The following GPC5 variants were observed in gnomAD, a reference collection of about 807,000 sequenced individuals.
The protein encoded by GPC5 is glypican-5.
GPC5 carries 47 observed loss-of-function variants against 53.9 expected under a neutral mutation model. The observed-to-expected ratio is 0.87, with a 90% CI of 0.69 to 1.11. GPC5 has a LOEUF of 1.11. Ranked by LOEUF, GPC5 falls within the 50% of genes most tolerant of loss-of-function variation. The probability of loss-of-function intolerance (pLI) is 0.00; values close to 1 mark genes in which losing one functional copy is unlikely to be tolerated. For synonymous variants in GPC5, 286 were observed against 263.3 expected, an observed-to-expected ratio of 1.09 and a Z score of -0.84; for missense variants, 748 against 713.1, an observed-to-expected ratio of 1.05 and a Z score of -0.56.
chr13:91,512,855 G>A (rs1004348708), intron 2 of GPC5, among the ~76,000 whole-genome samples: 1 of 152,148 alleles, frequency 6.6e-6, no homozygotes, highest in African/African-American at 2.4e-5. Context: ...TAAGTTCTGT[G>A]ATGTGTGTTT....
intron 5 of GPC5, among the ~76,000 whole-genome samples, chr13:91,850,247 A>G (rs1234086232): frequency 2.6e-5 from 4 of 152,174 alleles, no homozygotes; most frequent in Admixed American, 2.6e-4. Context: ...CCATCACTAT[A>G]TCTCTGACAT....
chr13:91,604,719 T>C (rs558227601), intron 2 of GPC5, among the ~76,000 whole-genome samples: 20 of 115,332 alleles, frequency 1.7e-4, no homozygotes, highest in African/African-American at 7.3e-4. Flanking sequence ...ATGAGCATTT[T>C]TTCATGTGTT....
intron 5 of GPC5, among the ~76,000 whole-genome samples, chr13:91,811,880 G>A (rs2038317240): frequency 6.6e-6 from 1 of 152,294 alleles, no homozygotes; most frequent in African/African-American, 2.4e-5. Flanking sequence ...CCTGAATTAT[G>A]TTACTACATC....
chr13:91,793,364 G>A (rs1336123240), intron 5 of GPC5, among the ~76,000 whole-genome samples: 2 of 152,070 alleles, frequency 1.3e-5, no homozygotes, highest in Non-Finnish European at 2.9e-5. Context: ...GGGATTATGG[G>A]GGCTACAATT....
At chr13:91,991,914 TAAAA>T (rs2040460355) in intron 6 of GPC5, among the ~76,000 whole-genome samples, 1 of 152,206 alleles carries the variant, frequency 6.6e-6, no homozygotes, top group Non-Finnish European at 1.5e-5. Flanking sequence ...TATTTCCAAA[TAAAA>T]AATGTATTAT....
chr13:91,680,314 TGGC>T, intron 2 of GPC5, among the ~76,000 whole-genome samples: 1 of 152,250 alleles, frequency 6.6e-6, no homozygotes, highest in East Asian at 1.9e-4. Flanking sequence ...CCAGGCATGG[TGGC>T]ATATGCCTGT....
intron 7 of GPC5, among the ~76,000 whole-genome samples, chr13:92,743,936 G>A (rs1889175422): frequency 6.6e-6 from 1 of 152,022 alleles, no homozygotes; most frequent in African/African-American, 2.4e-5. Context: ...TTTAAGGAGA[G>A]AGCTTTAAAC....
chr13:92,841,215 T>C (rs1001413792), intron 7 of GPC5, among the ~76,000 whole-genome samples: 1 of 152,158 alleles, frequency 6.6e-6, no homozygotes, highest in African/African-American at 2.4e-5. Flanking sequence ...CATCATCATT[T>C]GCGTTAACAT....
At chr13:92,656,645 C>A (rs1365217957) in intron 7 of GPC5, among the ~76,000 whole-genome samples, 5 of 152,208 alleles carry the variant, frequency 3.3e-5, no homozygotes, top group Non-Finnish European at 7.3e-5. Flanking sequence ...TATTTATGAA[C>A]TGCATTTGGT....
intron 2 of GPC5, among the ~76,000 whole-genome samples, chr13:91,687,017 G>T (rs1424380052): frequency 6.6e-6 from 1 of 151,644 alleles, no homozygotes; most frequent in Non-Finnish European, 1.5e-5. Flanking sequence ...AATATCTGTG[G>T]CCTCAAATTG....
At position 92,731,607 on chromosome 13, in the gene GPC5, A is replaced by G. The variant is rs148135899; in HGVS notation, c.1562-134675A>G. ...CTAGAGAGATTAATGGAAAAAGAAA[A>G]TCACTTTGATATAGCATAGGAAAAA... On this transcript the variant is annotated intron_variant, in intron 7 of 7. Transcript: ENST00000377067. Among the ~76,000 whole-genome samples the G allele has an allele frequency of 2.0e-3, 297 of 151,526 alleles. 1 individual carries two copies. The highest frequency in any genetic ancestry group is 6.9e-3 in the African/African-American group (286 of 41,468).
At chr13:91,595,543 G>C (rs942789777) in intron 2 of GPC5, among the ~76,000 whole-genome samples, 2 of 152,012 alleles carry the variant, frequency 1.3e-5, no homozygotes, top group African/African-American at 2.4e-5. Context: ...GTCTGTTATT[G>C]ATTTCTCTTT....
intron 2 of GPC5, among the ~76,000 whole-genome samples, chr13:91,671,807 G>GAAAAAAAAAAAAAAAAAAAAAAAA (rs1207604916): frequency 1.8e-5 from 1 of 54,678 alleles, no homozygotes; most frequent in African/African-American, 7.9e-5. Flanking sequence ...AAAAAAAAAC[G>GAAAAAAAAAAAAAAAAAAAAAAAA]AAACTGGAGG....
intron 1 of GPC5, among the ~76,000 whole-genome samples, chr13:91,431,296 T>C (rs9583927): frequency 0.045 from 6,779 of 152,224 alleles, 189 homozygotes; most frequent in South Asian, 0.13. Flanking sequence ...TGCCTCCCCA[T>C]CCACGATTTC....
chr13:92,816,773 G>A (rs1877491430), intron 7 of GPC5, among the ~76,000 whole-genome samples: 1 of 151,990 alleles, frequency 6.6e-6, no homozygotes. Context: ...AAGGCTTTTA[G>A]TCTCATCCTG....
chr13:92,797,263 A>G (rs536523756), intron 7 of GPC5, among the ~76,000 whole-genome samples: 1 of 152,016 alleles, frequency 6.6e-6, no homozygotes, highest in Non-Finnish European at 1.5e-5. Context: ...TTAAAAAATA[A>G]TCATAAGACT....
chr13:91,426,697 G>A (rs1038350536), intron 1 of GPC5, among the ~76,000 whole-genome samples: 2 of 152,152 alleles, frequency 1.3e-5, no homozygotes, highest in African/African-American at 4.8e-5. Context: ...AGAAGACTTA[G>A]CCTGTCTAGT....
At chr13:91,603,652 G>A (rs911197474) in intron 2 of GPC5, among the ~76,000 whole-genome samples, 1 of 152,140 alleles carries the variant, frequency 6.6e-6, no homozygotes, top group African/African-American at 2.4e-5. Flanking sequence ...ATATAATTTT[G>A]ATATGAAGTT....
chr13:92,844,088 G>A (rs954345688), intron 7 of GPC5, among the ~76,000 whole-genome samples: 1 of 151,708 alleles, frequency 6.6e-6, no homozygotes, highest in African/African-American at 2.4e-5. Flanking sequence ...GGATGATGGT[G>A]GGGAAAAGAA....
Sources: gnomAD v4.1 joint callset for allele counts (sites outside exome capture counted in the v4.1 genomes callset) on GRCh38, gnomAD v4.1.1 for gene constraint, MANE v1.5 for transcripts, NCBI Gene and HGNC (gene_info 2026-07-23, HGNC 2026-07-21) for gene names.